Variants in SLC15A1 observed in about 807,000 individuals in gnomAD.
The protein encoded by SLC15A1 is solute carrier family 15 member 1.
In SLC15A1, 83 loss-of-function variants were observed where a neutral mutation model predicts 92.9. The observed-to-expected ratio is 0.89, with a 90% CI of 0.75 to 1.07. The LOEUF (loss-of-function observed/expected upper bound fraction) is 1.07. SLC15A1 is among the 50% of genes least tolerant of loss of function. The pLI is 0.00. For synonymous variants in SLC15A1, 322 were observed against 318.2 expected (o/e 1.01, Z -0.13); for missense variants, 857 against 880.1 (o/e 0.97, Z 0.33).
chr13:98,714,751 T>C lies in SLC15A1; in HGVS notation c.723+1127A>G, dbSNP rs1208429074. ...AAGTGATCTAAAATTATCTTAAGGCTGCCTTTTCATCCATAAGATTCACAC... is the reference window on the plus strand; with the variant it reads ...AAGTGATCTAAAATTATCTTAAGGCCGCCTTTTCATCCATAAGATTCACAC... On this transcript the variant is annotated intron_variant, in intron 9 of 22. Transcript: ENST00000376503. Among the ~76,000 whole-genome samples, 5 of 151,744 alleles carry C rather than the reference T, an allele frequency of 3.3e-5. No homozygotes were observed. The East Asian group carries it at 9.6e-4, about 29-fold the overall frequency.
intron 8 of SLC15A1, among the ~76,000 whole-genome samples, chr13:98,717,872 C>T (rs575065659): frequency 1.2e-3 from 179 of 152,200 alleles, no homozygotes; most frequent in Non-Finnish European, 1.9e-3. Context: ...TTGAGGTGGC[C>T]GCTGGGCTGT....
At chr13:98,717,952 A>G (rs986897737) in intron 8 of SLC15A1, among the ~76,000 whole-genome samples, 3 of 152,090 alleles carry the variant, frequency 2.0e-5, no homozygotes, top group Admixed American at 6.5e-5. Context: ...CACCTTTCCT[A>G]AAAGCCAATG....
At chr13:98,716,026 T>G in intron 8 of SLC15A1, 66 bp from the exon 9 acceptor site, 1 of 1,288,596 alleles carries the variant, frequency 7.8e-7, no homozygotes, top group Non-Finnish European at 1.1e-6. Context: ...CCTAGAGAGA[T>G]GCGCCTTTAT....
chr13:98,739,187 C>A (rs1164064367), intron 1 of SLC15A1, among the ~76,000 whole-genome samples: 1 of 152,192 alleles, frequency 6.6e-6, no homozygotes, highest in African/African-American at 2.4e-5. Context: ...CTTAGAGTAA[C>A]TTGTTTTTGA....
chr13:98,724,147 C>T (rs2088280927), intron 4 of SLC15A1, 116 bp from the exon 5 acceptor site: 1 of 1,286,108 alleles, frequency 7.8e-7, no homozygotes, highest in Non-Finnish European at 1.1e-6. Flanking sequence ...CCTGAATACA[C>T]TTATTTCTCA....
intron 8 of SLC15A1, among the ~76,000 whole-genome samples, chr13:98,716,943 G>T (rs1229674510): frequency 6.6e-6 from 1 of 152,174 alleles, no homozygotes; most frequent in African/African-American, 2.4e-5. Flanking sequence ...CCAGCATTTT[G>T]GGAGGCCAAG....
chr13:98,744,381 T>C (rs956212380), intron 1 of SLC15A1, among the ~76,000 whole-genome samples: 10 of 145,666 alleles, frequency 6.9e-5, no homozygotes, highest in South Asian at 4.3e-4. Flanking sequence ...TAGAAAAAAA[T>C]GCTTTACAAT....
intron 9 of SLC15A1, among the ~76,000 whole-genome samples, chr13:98,715,213 C>T (rs1230757037): frequency 5.3e-5 from 8 of 152,162 alleles, no homozygotes; most frequent in Admixed American, 2.0e-4. Context: ...CTCCCTCTGT[C>T]GCCCAGGCTG....
At chr13:98,728,687 T>A (rs114999145) in intron 1 of SLC15A1, among the ~76,000 whole-genome samples, 149 of 151,942 alleles carry the variant, frequency 9.8e-4, no homozygotes, top group African/African-American at 3.4e-3. Context: ...TTATTGTATA[T>A]TTCAAAATAG....
rs895866918 is a variant in SLC15A1, at chr13:98,719,282, G to T, written c.595C>A (p.Pro199Thr). ...CGIHSKQACYPLAFGVPAALM... is the reference protein window; with the variant it reads ...CGIHSKQACYTLAFGVPAALM... The stretch of plus-strand genomic sequence containing the variant: ...GCAGCAGGAACCCCAAAGGCCAGTG[G>T]GTAACAAGCTTGTTTACTGTGAATT... The change falls in exon 8 of 23, where the codon CCA (proline) becomes ACA (threonine). Residue 199 changes from proline (P) to threonine (T), a missense_variant. Pro to Thr is a conservative substitution (Grantham distance 38). Transcript: ENST00000376503. The T allele has an allele frequency of 1.2e-6, 2 of 1,613,740 alleles. No individual in the cohort carries two copies. The highest frequency in any genetic ancestry group is 2.7e-5 in the African/African-American group (2 of 74,900).
intron 18 of SLC15A1, among the ~76,000 whole-genome samples, chr13:98,692,302 C>T: frequency 6.6e-6 from 1 of 151,822 alleles, no homozygotes; most frequent in East Asian, 1.9e-4. Context: ...TGCAGGAGTG[C>T]ATCACCATGC....
intron 15 of SLC15A1, among the ~76,000 whole-genome samples, chr13:98,708,433 C>G (rs1370302236): frequency 2.0e-5 from 3 of 152,172 alleles, no homozygotes; most frequent in Non-Finnish European, 4.4e-5. Flanking sequence ...GGAACACATT[C>G]TGTAAACTTC....
chr13:98,705,733 A>G (rs1049686301), intron 16 of SLC15A1, among the ~76,000 whole-genome samples: 1 of 152,096 alleles, frequency 6.6e-6, no homozygotes, highest in African/African-American at 2.4e-5. Flanking sequence ...CTCTACTAAA[A>G]ATACAAAAAT....
intron 8 of SLC15A1, among the ~76,000 whole-genome samples, chr13:98,718,798 A>G (rs1274399171): frequency 6.6e-6 from 1 of 152,144 alleles, no homozygotes; most frequent in Non-Finnish European, 1.5e-5. Context: ...GACAAGAGCA[A>G]GACTCTGTCT....
At chr13:98,714,653 C>CAAAAAAA (rs11378347) in intron 9 of SLC15A1, among the ~76,000 whole-genome samples, 54 of 94,046 alleles carry the variant, frequency 5.7e-4, no homozygotes, top group Middle Eastern at 6.9e-3. Context: ...GACTCCATCT[C>CAAAAAAA]AAAAAAAAAA....
rs556691450 is a variant in SLC15A1, at chr13:98,715,898, T to C, written c.703A>G (p.Lys235Glu). The change falls in exon 9 of 23, where the codon AAA (lysine) becomes GAA (glutamate). Residue 235 changes from lysine to glutamate, a missense_variant. Transcript: ENST00000376503. The part of the protein sequence containing the change: ...KFKPQGNIMG[K>E]VAKCIGFAIK... ...CTTACACCGATGCACTTGGCCACTT[T>C]ACCCATGATGTTGCCCTGTGGCTTG... The C allele has an allele frequency of 1.2e-6, 2 of 1,614,174 alleles. No homozygotes were observed. Among genetic ancestry groups the C allele is most frequent in the South Asian group, 2.2e-5 (2 of 91,082 alleles).
intron 1 of SLC15A1, among the ~76,000 whole-genome samples, chr13:98,728,341 G>A (rs796689516): frequency 7.2e-5 from 11 of 152,186 alleles, no homozygotes; most frequent in African/African-American, 2.6e-4. Flanking sequence ...GCCTTTTGTT[G>A]TTGTATATGA....
At chr13:98,743,190 C>T (rs529925745) in intron 1 of SLC15A1, among the ~76,000 whole-genome samples, 3 of 152,292 alleles carry the variant, frequency 2.0e-5, no homozygotes, top group South Asian at 2.1e-4. Flanking sequence ...AATAAGGTCA[C>T]GCTCCAAGGT....
At chr13:98,702,429 T>G in intron 18 of SLC15A1, 51 bp downstream of exon 18, 1 of 1,246,868 alleles carries the variant, frequency 8.0e-7, no homozygotes, top group Non-Finnish European at 1.2e-6. Flanking sequence ...TGGGTATGCA[T>G]TACTTTCATA....
Sources: allele counts gnomAD v4.1 joint callset (sites outside exome capture counted in the v4.1 genomes callset), GRCh38; gene constraint gnomAD v4.1.1; transcripts MANE v1.5; gene names NCBI Gene and HGNC (gene_info 2026-07-23, HGNC 2026-07-21).